Variants in ZNF677 observed in about 807,000 individuals in gnomAD.
ZNF677 encodes the protein hypothetical protein MGC48625.
ZNF677 carries 5 observed loss-of-function variants against 8.1 expected under a neutral mutation model. The ratio of observed to expected loss-of-function variants is 0.62; its 90% CI spans 0.32 to 1.29. ZNF677 has a LOEUF of 1.29. ZNF677 is among the 50% of genes most tolerant of loss of function. The probability of loss-of-function intolerance (pLI) is 0.05; values close to 1 mark genes in which losing one functional copy is unlikely to be tolerated. For synonymous variants in ZNF677, 221 were observed against 225.6 expected, an observed-to-expected ratio of 0.98 and a Z score of 0.18; for missense variants, 685 against 685.9, an observed-to-expected ratio of 1.00 and a Z score of 0.01.
intron 2 of ZNF677, among the ~76,000 whole-genome samples, chr19:53,251,874 C>A (rs1338384256): frequency 6.6e-6 from 1 of 152,156 alleles, no homozygotes; most frequent in Non-Finnish European, 1.5e-5. Flanking sequence ...GACACTCAGC[C>A]AAGAAAAACT....
In ZNF677 at chr19:53,239,778, C is replaced by T. The variant is rs192078023; in HGVS notation, c.170-1221G>A. ...AACAGCACTAATTGATGTAAATCCT[C>T]TTGAGGTAAATTATCGCACCTTTTC... On this transcript the variant is annotated intron_variant, in intron 4 of 4. Transcript: ENST00000598513. The T allele has an allele frequency of 4.5e-4, 69 of 152,272 alleles. 1 individual carries two copies. Among genetic ancestry groups the T allele is most frequent in the African/African-American group, 1.7e-3 (69 of 41,554 alleles). The allele number at this position is 152,272 out of a possible 1,614,324, so 9.4% of individuals were successfully genotyped here.
rs2091234848 is a variant in ZNF677 at position 53,251,590 on chromosome 19, T to G, written c.-40A>C. The G allele has an allele frequency of 6.2e-7, 1 of 1,613,494 alleles. No homozygotes were observed. Among genetic ancestry groups the G allele is most frequent in the Non-Finnish European group, 8.5e-7 (1 of 1,179,708 alleles). Reference sequence around the variant, plus strand: ...TCTTTCCTCTTCCTCTGAGTTTCTTTCTCAGGTAAGTCAGTCTGTATGTCA... The same window carrying G: ...TCTTTCCTCTTCCTCTGAGTTTCTTGCTCAGGTAAGTCAGTCTGTATGTCA... On this transcript the variant is annotated 5_prime_UTR_variant, in exon 3 of 5. Coordinates refer to ENST00000598513, the MANE Select transcript of ZNF677 (RefSeq NM_182609.4).
chr19:53,241,892 G>C (rs1288712440), intron 4 of ZNF677: 1 of 398,322 alleles, frequency 2.5e-6, no homozygotes, highest in Non-Finnish European at 4.4e-6. Flanking sequence ...ACAGCAGAAA[G>C]AGAGGAAATT....
rs1035476120 is a variant in ZNF677 at position 53,251,469 on chromosome 19, G to A, written c.15+67C>T. 12 of 1,379,494 alleles carry A rather than the reference G, an allele frequency of 8.7e-6. No individual in the cohort carries two copies. The African/African-American group carries it at 1.6e-4, about 18-fold the overall frequency. The allele number at this position is 1,379,494 out of a possible 1,614,324, so 85.5% of individuals were successfully genotyped here. On this transcript the variant is annotated intron_variant, in intron 3 of 4. Coordinates refer to ENST00000598513, the MANE Select transcript of ZNF677 (RefSeq NM_182609.4). ...GACACTTCAGAGTCAGATAAAATTA[G>A]CAAGTCCAAAATATGGCATTTCAGG...
rs576279751 is a variant in ZNF677 at position 53,252,798 on chromosome 19, A to G, written c.-56+288T>C. 3.7e-3 allele frequency among the ~76,000 whole-genome samples: 568 copies of G among 152,252 alleles called. 4 individuals carry two copies. Among genetic ancestry groups the G allele is most frequent in the African/African-American group, 0.013 (546 of 41,526 alleles). ...ACTTAGTGGGAGGCTTTTAGATGAC[A>G]TAAGGGAGTAAAGAAACTGAATACA... On this transcript the variant is annotated intron_variant, in intron 2 of 4. Transcript: ENST00000598513.
chr19:53,254,021 G>C (rs572632351), intron 1 of ZNF677, among the ~76,000 whole-genome samples: 2 of 152,286 alleles, frequency 1.3e-5, no homozygotes, highest in South Asian at 2.1e-4. Flanking sequence ...GGCTGAATAA[G>C]GGTTGCTTCT....
Position 53,236,789 on chromosome 19 carries a change from C to T in ZNF677, c.*183G>A, listed in dbSNP as rs778131553. On this transcript the variant is annotated 3_prime_UTR_variant, in exon 5 of 5. Coordinates refer to ENST00000598513, the MANE Select transcript of ZNF677 (RefSeq NM_182609.4). The stretch of plus-strand genomic sequence containing the variant: ...TCATTATATTTGTAAGGCTTCTCTA[C>T]AGTAAGAATTCTATGATGTTCCACA... The T allele has an allele frequency of 2.0e-6, 1 of 506,248 alleles. No individual in the cohort carries two copies. Among genetic ancestry groups the T allele is most frequent in the Non-Finnish European group, 3.4e-6 (1 of 295,896 alleles). The allele number at this position is 506,248 out of a possible 1,614,324, so 31.4% of individuals were successfully genotyped here.
At chr19:53,248,728 T>C (rs2091186476) in intron 3 of ZNF677, among the ~76,000 whole-genome samples, 1 of 152,242 alleles carries the variant, frequency 6.6e-6, no homozygotes, top group Admixed American at 6.5e-5. Context: ...GTTGCTACTA[T>C]CATGATTCTC....
chr19:53,241,906 G>T, intron 4 of ZNF677: 1 of 398,240 alleles, frequency 2.5e-6, no homozygotes, highest in Non-Finnish European at 4.4e-6. Context: ...GGAAATTTCA[G>T]ACTCTAGGAA....
At chr19:53,240,049 T>C (rs893608558) in intron 4 of ZNF677, 3 of 152,236 alleles carry the variant, frequency 2.0e-5, no homozygotes, top group Admixed American at 6.5e-5. Context: ...ACAGCACCAC[T>C]GCTCTCAGAT....
chr19:53,252,590 A>C (rs1182356323), intron 2 of ZNF677, among the ~76,000 whole-genome samples: 1 of 152,170 alleles, frequency 6.6e-6, no homozygotes, highest in African/African-American at 2.4e-5. Context: ...ATATTCAAAA[A>C]TATGAAATTA....
At position 53,238,331 on chromosome 19, in the gene ZNF677, T is replaced by C. The variant is rs756292559; in HGVS notation, c.396A>G (p.Lys132=). 1.2e-5 allele frequency: 19 copies of C among 1,613,214 alleles called. No homozygotes were observed. The highest frequency in any genetic ancestry group is 1.6e-5 in the Non-Finnish European group (19 of 1,179,602). The change falls in exon 5 of 5, where the codon AAA becomes AAG. Residue 132 remains lysine, a synonymous_variant. Transcript: ENST00000598513. ...LTCNKNLTHR[K]DQQHNKSSIH... is the part of the protein sequence containing the mutation. ...TTGAGGATTTATTATGTTGTTGATC[T>C]TTTCTGTGAGTGAGATTTTTGTTAC...
intron 3 of ZNF677, among the ~76,000 whole-genome samples, chr19:53,244,629 C>T (rs184844944): frequency 2.0e-4 from 30 of 152,250 alleles, no homozygotes; most frequent in Non-Finnish European, 1.6e-4. Context: ...GAAAGATATC[C>T]TATGTTCAAG....
chr19:53,246,487 TACACACACACACACACACACACACAC>T (rs60644090), intron 3 of ZNF677, among the ~76,000 whole-genome samples: 1 of 140,266 alleles, frequency 7.1e-6, no homozygotes, highest in Non-Finnish European at 1.5e-5. Context: ...AAAGAAAATG[TACACACACACACACACACACACACAC>T]ACACACACAC....
intron 3 of ZNF677, among the ~76,000 whole-genome samples, chr19:53,247,935 G>T (rs2091172555): frequency 6.6e-6 from 1 of 152,112 alleles, no homozygotes; most frequent in African/African-American, 2.4e-5. Context: ...TCCAATAAGT[G>T]CCTTTTAAAG....
At chr19:53,246,134 T>C (rs946409788) in intron 3 of ZNF677, among the ~76,000 whole-genome samples, 65 of 152,092 alleles carry the variant, frequency 4.3e-4, no homozygotes, top group African/African-American at 1.5e-3. Context: ...CTGGCTAACA[T>C]GGTGAAACCC....
chr19:53,243,495 TA>T (rs1568692107), intron 4 of ZNF677: 1 of 536,136 alleles, frequency 1.9e-6, no homozygotes, highest in African/African-American at 2.0e-5. Flanking sequence ...CCAGACACTT[TA>T]AAACGTTTTC....
intron 1 of ZNF677, among the ~76,000 whole-genome samples, chr19:53,254,320 C>CA (rs1216725959): frequency 1.1e-4 from 17 of 151,998 alleles, no homozygotes; most frequent in African/African-American, 3.4e-4. Context: ...CCTTTCTGCT[C>CA]ATTTGGCTTC....
intron 4 of ZNF677, chr19:53,241,033 A>G (rs998446042): frequency 6.6e-6 from 1 of 152,154 alleles, no homozygotes; most frequent in African/African-American, 2.4e-5. Context: ...GAGTTGATAT[A>G]AAGTTACAGG....
Sources: allele counts gnomAD v4.1 joint callset (sites outside exome capture counted in the v4.1 genomes callset), GRCh38; gene constraint gnomAD v4.1.1; transcripts MANE v1.5; gene names NCBI Gene and HGNC (gene_info 2026-07-23, HGNC 2026-07-21).